Variants in KANK1 observed in about 807,000 individuals in gnomAD.
The protein encoded by KANK1 is KN motif and ankyrin repeat domains 1.
KANK1 carries 109 observed loss-of-function variants against 106.2 expected under a neutral mutation model. The ratio of observed to expected loss-of-function variants is 1.03; its 90% CI spans 0.88 to 1.20. KANK1 has a LOEUF of 1.20. Among genes scored for constraint, KANK1 ranks in the 50% most tolerant of loss-of-function variants. KANK1 has a pLI of 0.00. For missense variants in KANK1, 2,399 were observed against 1,710.7 expected (o/e 1.40, Z -7.10); for synonymous variants, 873 against 652.2 (o/e 1.34, Z -5.16).
At chr9:742,178 T>C (rs749638197) in intron 9 of KANK1, 27 bp from the exon 10 acceptor site, 1 of 1,609,184 alleles carries the variant, frequency 6.2e-7, no homozygotes, top group Non-Finnish European at 8.5e-7. Flanking sequence ...TACGTACTTC[T>C]GAAGTCCTTG....
chr9:473,822 C>A (rs970449764), intron 3 of KANK1, among the ~76,000 whole-genome samples: 1 of 152,112 alleles, frequency 6.6e-6, no homozygotes, highest in Non-Finnish European at 1.5e-5. Flanking sequence ...GCCTCAGCCT[C>A]CTGAGTAGCT....
intron 1 of KANK1, among the ~76,000 whole-genome samples, chr9:564,379 G>A (rs1207612217): frequency 6.6e-6 from 1 of 152,062 alleles, no homozygotes; most frequent in Non-Finnish European, 1.5e-5. Context: ...ACTTTCTGTA[G>A]CAAAGTAGAA....
At chr9:574,991 C>T (rs1487446943) in intron 1 of KANK1, among the ~76,000 whole-genome samples, 1 of 151,914 alleles carries the variant, frequency 6.6e-6, no homozygotes, top group Non-Finnish European at 1.5e-5. Flanking sequence ...AGCATCTTCT[C>T]AGGTTATTCT....
chr9:675,036 A>G (rs1220313955), intron 1 of KANK1, among the ~76,000 whole-genome samples: 1 of 152,148 alleles, frequency 6.6e-6, no homozygotes, highest in African/African-American at 2.4e-5. Context: ...GATTATTATT[A>G]CAAAAGTAAG....
chr9:614,391 G>A (rs1298825053), intron 1 of KANK1, among the ~76,000 whole-genome samples: 3 of 152,200 alleles, frequency 2.0e-5, no homozygotes, highest in East Asian at 1.9e-4. Flanking sequence ...TACTTCTGCA[G>A]TTTTTTTAAA....
At chr9:656,452 C>A (rs62530091) in intron 1 of KANK1, among the ~76,000 whole-genome samples, 23,139 of 152,128 alleles carry the variant, frequency 0.15, 1,943 homozygotes, top group Admixed American at 0.18. Flanking sequence ...TCCCTTTTGC[C>A]TCTACCTCAT....
intron 2 of KANK1, chr9:681,045 C>G (rs1267890043): frequency 6.6e-6 from 1 of 152,190 alleles, no homozygotes; most frequent in Non-Finnish European, 1.5e-5. Context: ...CAGACTCCAT[C>G]TCTACAAAAA....
intron 7 of KANK1, among the ~76,000 whole-genome samples, chr9:737,966 G>A (rs2132054161): frequency 6.6e-6 from 1 of 152,328 alleles, no homozygotes; most frequent in East Asian, 1.9e-4. Flanking sequence ...AACGGAAGCA[G>A]AATAACTTCC....
At chr9:631,911 G>C (rs534732306) in intron 1 of KANK1, among the ~76,000 whole-genome samples, 1 of 152,202 alleles carries the variant, frequency 6.6e-6, no homozygotes, top group African/African-American at 2.4e-5. Flanking sequence ...GTTATCTACC[G>C]CTGTGGCTCT....
rs371275377 is a variant in KANK1, at chr9:591,469, C to T, written c.-83-85421C>T. Among the ~76,000 whole-genome samples the T allele has an allele frequency of 4.0e-4, 61 of 151,806 alleles. 2 individuals are homozygous for T. The highest frequency in any genetic ancestry group is 1.2e-3 in the African/African-American group (51 of 41,124). ...GCCTGCAGGGCCTGGCACGATCTTG[C>T]TTTTCCTGCTGTAAAGCCCCACCTC... is the stretch of plus-strand genomic sequence containing the variant. On this transcript the variant is annotated intron_variant, in intron 1 of 11. Transcript: ENST00000382297.
chr9:502,528 CTTT>C (rs61692364), upstream of KANK1, among the ~76,000 whole-genome samples: 1 of 132,260 alleles, frequency 7.6e-6, no homozygotes. Context: ...ATGGAGAGCA[CTTT>C]TTTTTTTTTT....
At chr9:548,077 A>G (rs1056382892) in intron 1 of KANK1, among the ~76,000 whole-genome samples, 2 of 152,186 alleles carry the variant, frequency 1.3e-5, no homozygotes, top group African/African-American at 4.8e-5. Context: ...TAGGAAAACT[A>G]TTTCTCATGT....
At chr9:566,681 C>A (rs765967206) in intron 1 of KANK1, among the ~76,000 whole-genome samples, 6 of 152,072 alleles carry the variant, frequency 3.9e-5, no homozygotes, top group African/African-American at 7.2e-5. Context: ...TCTGTTCATG[C>A]CTTTGCCTAC....
At position 711,664 on chromosome 9, in the gene KANK1, C is replaced by A; in HGVS notation, c.898C>A (p.Gln300Lys). 1 of 1,614,198 alleles carries A rather than the reference C, an allele frequency of 6.2e-7. No individual in the cohort carries two copies. The highest frequency in any genetic ancestry group is 8.5e-7 in the Non-Finnish European group (1 of 1,180,036). Residue 300 changes from glutamine to lysine, a missense_variant, in exon 3 of 12, where the codon CAG (glutamine) becomes AAG (lysine). Transcript: ENST00000382297. ...CTCTGTCTTGCAAGAAGAGAAAAGG[C>A]AGTTGGTCTCACAGCTGAAAAACCA... ...KISVLQEEKR[Q>K]LVSQLKNQRA... is the part of the protein sequence containing the mutation.
chr9:527,296 T>C (rs2059834578), intron 1 of KANK1, among the ~76,000 whole-genome samples: 1 of 151,616 alleles, frequency 6.6e-6, no homozygotes, highest in African/African-American at 2.4e-5. Flanking sequence ...GTGTGTTTTT[T>C]GTTTGTTTGT....
At chr9:654,868 G>C (rs1041505281) in intron 1 of KANK1, among the ~76,000 whole-genome samples, 26 of 151,842 alleles carry the variant, frequency 1.7e-4, no homozygotes, top group Admixed American at 1.7e-3. Context: ...GAAGGAAAAA[G>C]AAATGTGGTT....
intron 3 of KANK1, among the ~76,000 whole-genome samples, chr9:498,377 T>C (rs2058490615): frequency 6.6e-6 from 1 of 152,096 alleles, no homozygotes. Flanking sequence ...CTAGATTAGC[T>C]TAACTGAATT....
At chr9:568,666 A>AT (rs1818417632) in intron 1 of KANK1, among the ~76,000 whole-genome samples, 1 of 152,036 alleles carries the variant, frequency 6.6e-6, no homozygotes, top group East Asian at 1.9e-4. Flanking sequence ...ATTTTCTAAA[A>AT]TTTTTTTGTA....
At chr9:482,832 A>G (rs1444115036) in intron 3 of KANK1, among the ~76,000 whole-genome samples, 2 of 139,104 alleles carry the variant, frequency 1.4e-5, no homozygotes, top group East Asian at 2.2e-4. Context: ...AAATATATGA[A>G]ACAGAAAATT....
Sources: allele counts gnomAD v4.1 joint callset (sites outside exome capture counted in the v4.1 genomes callset), GRCh38; gene constraint gnomAD v4.1.1; transcripts MANE v1.5; gene names NCBI Gene and HGNC (gene_info 2026-07-23, HGNC 2026-07-21).